The following KHDRBS2 variants were observed in gnomAD, a reference collection of about 807,000 sequenced individuals.
KHDRBS2 encodes KH domain-containing, RNA-binding, signal transduction-associated protein 2.
A neutral mutation model predicts 44.3 loss-of-function variants in KHDRBS2; 26 were observed. The ratio of observed to expected loss-of-function variants is 0.59; its 90% confidence interval spans 0.43 to 0.81. The LOEUF is 0.81. KHDRBS2 is among the 40% of genes least tolerant of loss of function. KHDRBS2 has a pLI of 0.00. For missense variants in KHDRBS2, 476 were observed against 433.1 expected (o/e 1.10, Z -0.88); for synonymous variants, 194 against 151.1 (o/e 1.28, Z -2.08).
At chr6:61,904,248 C>A (rs1316328482) in intron 4 of KHDRBS2, among the ~76,000 whole-genome samples, 1 of 152,028 alleles carries the variant, frequency 6.6e-6, no homozygotes, top group South Asian at 2.1e-4. Flanking sequence ...TTTGAATTGC[C>A]CATTTAAATC....
At chr6:61,723,630 T>A (rs920395199) in intron 7 of KHDRBS2, among the ~76,000 whole-genome samples, 5 of 150,438 alleles carry the variant, frequency 3.3e-5, no homozygotes, top group African/African-American at 1.2e-4. Flanking sequence ...GAGAGGAACA[T>A]AACTGACCTG....
intron 2 of KHDRBS2, among the ~76,000 whole-genome samples, chr6:62,150,679 C>T (rs758397845): frequency 4.6e-5 from 7 of 152,056 alleles, no homozygotes; most frequent in South Asian, 2.1e-4. Context: ...TGAAAAATGC[C>T]GATTCCTTTC....
downstream of KHDRBS2, among the ~76,000 whole-genome samples, chr6:61,677,905 A>AT (rs1766034193): frequency 1.3e-5 from 2 of 151,736 alleles, no homozygotes; most frequent in Admixed American, 1.3e-4. Context: ...ACTCCACCTC[A>AT]TATCTCTCTC....
intron 4 of KHDRBS2, among the ~76,000 whole-genome samples, chr6:61,942,766 A>G (rs1812380481): frequency 6.6e-6 from 1 of 152,156 alleles, no homozygotes; most frequent in Admixed American, 6.6e-5. Context: ...TCTCTACAGC[A>G]TCTTGAAGTC....
intron 6 of KHDRBS2, among the ~76,000 whole-genome samples, chr6:61,780,397 G>A (rs747825259): frequency 3.3e-5 from 5 of 152,176 alleles, no homozygotes; most frequent in Admixed American, 1.3e-4. Context: ...CTACTTGGGA[G>A]GCTGAGGTGG....
At chr6:61,870,439 G>A (rs1583261367) in intron 6 of KHDRBS2, among the ~76,000 whole-genome samples, 2 of 152,172 alleles carry the variant, frequency 1.3e-5, no homozygotes, top group South Asian at 2.1e-4. Flanking sequence ...CAGAGCACCT[G>A]GGGGAAGGAG....
intron 4 of KHDRBS2, among the ~76,000 whole-genome samples, chr6:61,963,493 A>G (rs1254497641): frequency 6.6e-6 from 1 of 152,098 alleles, no homozygotes; most frequent in East Asian, 1.9e-4. Flanking sequence ...TAGCTTCTTC[A>G]CTGCAGCACT....
chr6:62,200,029 C>T (rs1054862253), intron 1 of KHDRBS2, among the ~76,000 whole-genome samples: 1 of 152,076 alleles, frequency 6.6e-6, no homozygotes, highest in African/African-American at 2.4e-5. Flanking sequence ...ACTGGCTAGC[C>T]ATATGTAGAA....
intron 6 of KHDRBS2, among the ~76,000 whole-genome samples, chr6:61,771,555 G>T (rs1488285373): frequency 6.6e-6 from 1 of 152,080 alleles, no homozygotes; most frequent in Admixed American, 6.6e-5. Flanking sequence ...TGATAAAACA[G>T]ACTTTAAACC....
At chr6:62,259,117 C>T (rs1185230169) in intron 1 of KHDRBS2, among the ~76,000 whole-genome samples, 1 of 151,880 alleles carries the variant, frequency 6.6e-6, no homozygotes, top group African/African-American at 2.4e-5. Flanking sequence ...AGGCAACAGG[C>T]CAGAATAGCA....
chr6:61,771,265 G>T lies in KHDRBS2; in HGVS notation c.811-38501C>A, dbSNP rs570579874. 1.2e-4 allele frequency among the ~76,000 whole-genome samples: 18 copies of T among 152,296 alleles called. No individual in the cohort carries two copies. The South Asian group carries it at 1.2e-3, about 11-fold the overall frequency. On this transcript the variant is annotated intron_variant, in intron 6 of 8. Transcript: ENST00000281156. ...TCGTAAAGACCATCAAGGCTAGGAA[G>T]AAAGTGCATCAACTAATGAGCAAAA... is the stretch of plus-strand genomic sequence containing the variant.
At chr6:61,913,294 A>C (rs116082684) in intron 4 of KHDRBS2, among the ~76,000 whole-genome samples, 1 of 151,998 alleles carries the variant, frequency 6.6e-6, no homozygotes, top group Non-Finnish European at 1.5e-5. Flanking sequence ...ACTACCCACA[A>C]TGCTCCTGTC....
At chr6:61,870,306 C>G (rs1343995859) in intron 6 of KHDRBS2, among the ~76,000 whole-genome samples, 1 of 152,176 alleles carries the variant, frequency 6.6e-6, no homozygotes, top group Non-Finnish European at 1.5e-5. Context: ...GCCCACGCAG[C>G]TCAGTAAGGC....
At chr6:61,606,510 G>A in the KHDRBS2 span, among the ~76,000 whole-genome samples, 97 of 152,262 alleles carry the variant, frequency 6.4e-4, no homozygotes, top group African/African-American at 2.1e-3. Context: ...AGAAGTGTGC[G>A]TGGAAGTCAT....
At chr6:61,885,615 T>A (rs928765280) in intron 6 of KHDRBS2, among the ~76,000 whole-genome samples, 1 of 152,108 alleles carries the variant, frequency 6.6e-6, no homozygotes, top group African/African-American at 2.4e-5. Context: ...AAACAAAATA[T>A]TCCTCTAAAC....
chr6:61,598,841 T>C, the KHDRBS2 span, among the ~76,000 whole-genome samples: 1 of 99,224 alleles, frequency 1.0e-5, no homozygotes, highest in Admixed American at 1.0e-4. Context: ...TCTTTTCTTT[T>C]TTTTTTTTTT....
chr6:62,073,085 G>A (rs1366890304), intron 2 of KHDRBS2, among the ~76,000 whole-genome samples: 2 of 151,840 alleles, frequency 1.3e-5, no homozygotes, highest in Non-Finnish European at 1.5e-5. Flanking sequence ...TGTATGTGTC[G>A]AGGAATTTAT....
chr6:62,057,536 C>T (rs1790575251), intron 2 of KHDRBS2, among the ~76,000 whole-genome samples: 1 of 151,884 alleles, frequency 6.6e-6, no homozygotes, highest in Admixed American at 6.6e-5. Context: ...ATAATCATGA[C>T]AGGTGAATTA....
the KHDRBS2 span, among the ~76,000 whole-genome samples, chr6:61,651,043 A>G: frequency 6.6e-6 from 1 of 152,078 alleles, no homozygotes; most frequent in Non-Finnish European, 1.5e-5. Flanking sequence ...TCTGTATTAG[A>G]AGTAAAGCTG....
Sources: gnomAD v4.1 joint callset for allele counts (sites outside exome capture counted in the v4.1 genomes callset) on GRCh38, gnomAD v4.1.1 for gene constraint, MANE v1.5 for transcripts, NCBI Gene and HGNC (gene_info 2026-07-23, HGNC 2026-07-21) for gene names.